Variants in JPH3 observed in about 807,000 individuals in gnomAD.
The protein encoded by JPH3 is junctophilin-3.
Under a neutral mutation model 59.6 loss-of-function variants are expected in JPH3, and 11 were observed. The ratio of observed to expected loss-of-function variants is 0.18; its 90% CI spans 0.12 to 0.31. The LOEUF is 0.31. Among genes scored for constraint, JPH3 ranks in the 10% least tolerant of loss-of-function variants. The probability of loss-of-function intolerance (pLI) is 1.00; values close to 1 mark genes in which losing one functional copy is unlikely to be tolerated. For synonymous variants in JPH3, 673 were observed against 483.6 expected (o/e 1.39, Z -5.14); for missense variants, 1,202 against 1,105.7 (o/e 1.09, Z -1.24).
intron 2 of JPH3, among the ~76,000 whole-genome samples, chr16:87,649,824 C>CGGGAGA (rs1271712998): frequency 6.6e-6 from 1 of 152,022 alleles, no homozygotes; most frequent in Non-Finnish European, 1.5e-5. Flanking sequence ...GCTTCTGCTG[C>CGGGAGA]GGGAGAGGGA....
intron 2 of JPH3, among the ~76,000 whole-genome samples, chr16:87,648,635 C>T (rs2032231717): frequency 6.9e-6 from 1 of 145,498 alleles, no homozygotes; most frequent in East Asian, 2.1e-4. Flanking sequence ...AGGTCCTGCA[C>T]TGCTAAGGGG....
intron 1 of JPH3, among the ~76,000 whole-genome samples, chr16:87,610,607 G>A (rs1448103776): frequency 6.6e-6 from 1 of 152,188 alleles, no homozygotes; most frequent in Admixed American, 6.5e-5. Flanking sequence ...ATTGGACGTA[G>A]TTAAAGGAAA....
chr16:87,666,054 T>A (rs2032850364), intron 2 of JPH3, among the ~76,000 whole-genome samples: 1 of 151,978 alleles, frequency 6.6e-6, no homozygotes, highest in Non-Finnish European at 1.5e-5. Flanking sequence ...CCCCATCATA[T>A]GTGAATATCA....
At chr16:87,623,614 T>A (rs572151651) in intron 1 of JPH3, among the ~76,000 whole-genome samples, 2 of 152,322 alleles carry the variant, frequency 1.3e-5, no homozygotes, top group South Asian at 4.1e-4. Context: ...GTGAACCCCT[T>A]GGGAGCTGCA....
chr16:87,694,882 T>C (rs1567620008), intron 4 of JPH3: 2 of 216,462 alleles, frequency 9.2e-6, no homozygotes, highest in South Asian at 1.5e-4. Flanking sequence ...CAGCATGCAC[T>C]GCTCCTGCGC....
rs891029069 is a variant in JPH3, at chr16:87,697,898, G to A, written c.*1238G>A. On this transcript the variant is annotated 3_prime_UTR_variant, in exon 5 of 5. Transcript: ENST00000284262. ...TTGCCAGGATGTCCGAGTGCCCCCT[G>A]GCCCTGGCTCTCGTGTGCATGGACG... 5 of 152,492 alleles carry A rather than the reference G, an allele frequency of 3.3e-5. No homozygotes were observed. The highest frequency in any genetic ancestry group is 1.2e-4 in the African/African-American group (5 of 41,456). The allele number at this position is 152,492 out of a possible 1,614,324, so 9.4% of individuals were successfully genotyped here.
At chr16:87,642,082 A>G (rs528156706) in intron 1 of JPH3, among the ~76,000 whole-genome samples, 2 of 152,200 alleles carry the variant, frequency 1.3e-5, no homozygotes, top group South Asian at 4.2e-4. Context: ...AAAAGCCTGG[A>G]AGGATCAGGA....
chr16:87,696,279 TC>T (rs2033848502), intron 4 of JPH3: 2 of 495,060 alleles, frequency 4.0e-6, no homozygotes, highest in Non-Finnish European at 7.4e-6. Flanking sequence ...TGGGTGGTTC[TC>T]TCCAAGGGGA....
Position 87,612,843 on chromosome 16 carries a change from C to T in JPH3, c.382+9315C>T, listed in dbSNP as rs1180590774. ...ACCATCCTGGCTAACACAGTGAAAC[C>T]CCGTCTCTACTAAAAATACAAAAAA... On this transcript the variant is annotated intron_variant, in intron 1 of 4. Transcript: ENST00000284262. 1.6e-4 allele frequency among the ~76,000 whole-genome samples: 24 copies of T among 151,892 alleles called. 1 individual carries two copies. Among genetic ancestry groups the T allele is most frequent in the Admixed American group, 1.5e-3 (23 of 15,252 alleles).
At chr16:87,657,583 T>C (rs189810754) in intron 2 of JPH3, among the ~76,000 whole-genome samples, 16 of 152,310 alleles carry the variant, frequency 1.1e-4, no homozygotes, top group African/African-American at 3.8e-4. Flanking sequence ...ATAGAAAGGA[T>C]GTTGTATTAA....
At chr16:87,657,889 T>C (rs2032559291) in intron 2 of JPH3, among the ~76,000 whole-genome samples, 1 of 152,144 alleles carries the variant, frequency 6.6e-6, no homozygotes. Context: ...TGGCTGACAA[T>C]GGGGCTTCAG....
intron 2 of JPH3, chr16:87,655,127 C>G (rs1445347384): frequency 1.3e-5 from 2 of 152,198 alleles, no homozygotes; most frequent in African/African-American, 4.8e-5. Flanking sequence ...CTGGCAGGGT[C>G]AGACCCTGCA....
chr16:87,604,520 T>A, intron 1 of JPH3: 1 of 1,285,116 alleles, frequency 7.8e-7, no homozygotes, highest in Non-Finnish European at 1.0e-6. Context: ...AGGCACTGGG[T>A]CCTCTGCCTC....
intron 4 of JPH3, chr16:87,694,014 G>A (rs1259430264): frequency 6.6e-6 from 1 of 152,266 alleles, no homozygotes; most frequent in Non-Finnish European, 1.5e-5. Flanking sequence ...CGAGGAAGCT[G>A]TGCCAACGCA....
rs575252035 is a variant in JPH3 at position 87,695,458 on chromosome 16, G to T, written c.2167-1122G>T. 3 of 455,846 alleles carry T rather than the reference G, an allele frequency of 6.6e-6. No homozygotes were observed. The East Asian group carries it at 2.1e-4, about 32-fold the overall frequency. 28.2% of individuals were successfully genotyped at this position (455,846 alleles called of 1,614,324 possible). ...TGCGTGGTAGGAAGTGGAGGGCTCCGGGGGCTCTGAACAGCTCCTTACCAC... is the reference window on the plus strand; with the variant it reads ...TGCGTGGTAGGAAGTGGAGGGCTCCTGGGGCTCTGAACAGCTCCTTACCAC... On this transcript the variant is annotated intron_variant, in intron 4 of 4. Transcript: ENST00000284262.
chr16:87,622,107 G>C (rs113903317), intron 1 of JPH3, among the ~76,000 whole-genome samples: 1 of 151,758 alleles, frequency 6.6e-6, no homozygotes. Context: ...GTCAGGGGGG[G>C]GCCCCTTTGG....
chr16:87,693,281 C>CCTCTGAGGACCCTCCT (rs1197057356), intron 4 of JPH3, among the ~76,000 whole-genome samples: 1 of 152,220 alleles, frequency 6.6e-6, no homozygotes, highest in Non-Finnish European at 1.5e-5. Context: ...AGCACCTCAC[C>CCTCTGAGGACCCTCCT]CTCTGAGGAC....
At chr16:87,688,777 C>T (rs569206741) in intron 3 of JPH3, among the ~76,000 whole-genome samples, 8 of 152,146 alleles carry the variant, frequency 5.3e-5, no homozygotes, top group Non-Finnish European at 1.2e-4. Context: ...AACTGTTCCC[C>T]GGAGGGTAAG....
rs189283651 is a variant in JPH3, at chr16:87,648,280, G to A, written c.1160+3245G>A. 1.1e-3 allele frequency among the ~76,000 whole-genome samples: 167 copies of A among 152,210 alleles called. 1 individual carries two copies. Among genetic ancestry groups the A allele is most frequent in the African/African-American group, 9.6e-4 (40 of 41,540 alleles). On this transcript the variant is annotated intron_variant, in intron 2 of 4. Transcript: ENST00000284262. Reference sequence around the variant, plus strand: ...AAAAAAGGAGGGAAGAGAGTCTGCCGCCCTGGAGAGTGAAGCTGATGAATG... The same window carrying A: ...AAAAAAGGAGGGAAGAGAGTCTGCCACCCTGGAGAGTGAAGCTGATGAATG...
Sources: gnomAD v4.1 joint callset for allele counts (sites outside exome capture counted in the v4.1 genomes callset) on GRCh38, gnomAD v4.1.1 for gene constraint, MANE v1.5 for transcripts, NCBI Gene and HGNC (gene_info 2026-07-23, HGNC 2026-07-21) for gene names.